Variants in LRRTM4 observed in about 807,000 individuals in gnomAD.
LRRTM4 encodes the protein leucine-rich repeat transmembrane neuronal protein 4.
A neutral mutation model predicts 47.6 loss-of-function variants in LRRTM4; 25 were observed. The ratio of observed to expected loss-of-function variants is 0.53; its 90% CI spans 0.38 to 0.73. The LOEUF is 0.73. Among genes scored for constraint, LRRTM4 ranks in the 30% least tolerant of loss-of-function variants. The pLI, the probability that LRRTM4 is intolerant of heterozygous loss-of-function variation, is 0.00. For missense variants in LRRTM4, 638 were observed against 713.4 expected, an observed-to-expected ratio of 0.89 and a Z score of 1.20; for synonymous variants, 311 against 269.5, an observed-to-expected ratio of 1.15 and a Z score of -1.51.
intron 3 of LRRTM4, among the ~76,000 whole-genome samples, chr2:77,348,073 A>T (rs1671634707): frequency 6.6e-6 from 1 of 151,516 alleles, no homozygotes; most frequent in Non-Finnish European, 1.5e-5. Flanking sequence ...ATGTTTTTTT[A>T]TTTCCAAAGT....
At chr2:77,208,250 A>G (rs1573078770) in intron 3 of LRRTM4, among the ~76,000 whole-genome samples, 1 of 152,178 alleles carries the variant, frequency 6.6e-6, no homozygotes, top group Non-Finnish European at 1.5e-5. Context: ...ATCACGTGTT[A>G]GACATAGGAA....
At chr2:76,850,281 C>T (rs535188300) in intron 3 of LRRTM4, among the ~76,000 whole-genome samples, 2 of 152,132 alleles carry the variant, frequency 1.3e-5, no homozygotes, top group African/African-American at 2.4e-5. Flanking sequence ...CGAGACCTAC[C>T]TAAAGTTCAA....
intron 3 of LRRTM4, among the ~76,000 whole-genome samples, chr2:77,014,212 A>C (rs1677974880): frequency 6.6e-6 from 1 of 152,304 alleles, no homozygotes; most frequent in Admixed American, 6.5e-5. Flanking sequence ...TGAGAAGGCC[A>C]AATTCAAAAG....
chr2:76,898,989 A>T (rs563534019), intron 3 of LRRTM4, among the ~76,000 whole-genome samples: 18 of 152,176 alleles, frequency 1.2e-4, no homozygotes, highest in African/African-American at 4.3e-4. Context: ...CTCTTTGATT[A>T]ATTTACATTC....
intron 3 of LRRTM4, among the ~76,000 whole-genome samples, chr2:77,047,989 T>G (rs1679289480): frequency 6.6e-6 from 1 of 152,082 alleles, no homozygotes. Flanking sequence ...TGTGTTTTTG[T>G]TAAATAAGGT....
intron 3 of LRRTM4, among the ~76,000 whole-genome samples, chr2:77,120,266 C>A (rs1572981423): frequency 6.6e-6 from 1 of 151,864 alleles, no homozygotes; most frequent in East Asian, 1.9e-4. Context: ...ATTCAACCAA[C>A]AGAAAATCTA....
intron 3 of LRRTM4, among the ~76,000 whole-genome samples, chr2:77,286,014 C>T (rs538856630): frequency 6.6e-6 from 1 of 152,180 alleles, no homozygotes; most frequent in Non-Finnish European, 1.5e-5. Flanking sequence ...TAGACATCAA[C>T]CATATATTTT....
At chr2:77,265,391 G>T (rs1676024408) in intron 3 of LRRTM4, among the ~76,000 whole-genome samples, 1 of 151,832 alleles carries the variant, frequency 6.6e-6, no homozygotes, top group Admixed American at 6.6e-5. Flanking sequence ...TAGTATTCTG[G>T]GTGTTAGAGT....
intron 3 of LRRTM4, among the ~76,000 whole-genome samples, chr2:77,338,961 C>T (rs966981238): frequency 6.6e-6 from 1 of 151,880 alleles, no homozygotes; most frequent in Non-Finnish European, 1.5e-5. Flanking sequence ...AACATAGATG[C>T]AGCTGGAAAC....
At chr2:77,295,220 T>C (rs1041030985) in intron 3 of LRRTM4, among the ~76,000 whole-genome samples, 5 of 152,134 alleles carry the variant, frequency 3.3e-5, no homozygotes, top group African/African-American at 7.2e-5. Flanking sequence ...ACTTATTACT[T>C]TAAGAACACA....
At chr2:77,213,129 G>T (rs1018079715) in intron 3 of LRRTM4, among the ~76,000 whole-genome samples, 2 of 152,096 alleles carry the variant, frequency 1.3e-5, no homozygotes, top group Non-Finnish European at 2.9e-5. Flanking sequence ...AATGTTACCA[G>T]GAAACAAAAG....
At chr2:76,997,467 A>G (rs189400136) in intron 3 of LRRTM4, among the ~76,000 whole-genome samples, 78 of 152,236 alleles carry the variant, frequency 5.1e-4, no homozygotes, top group African/African-American at 1.8e-3. Context: ...CTGATGAAAT[A>G]TGAATCTGAA....
intron 3 of LRRTM4, among the ~76,000 whole-genome samples, chr2:76,753,287 T>C (rs1672914116): frequency 6.6e-6 from 1 of 152,152 alleles, no homozygotes. Flanking sequence ...TATTCCCTGA[T>C]ACTGAACAAA....
intron 3 of LRRTM4, among the ~76,000 whole-genome samples, chr2:76,798,374 C>T (rs1453117398): frequency 6.6e-6 from 1 of 151,876 alleles, no homozygotes; most frequent in Non-Finnish European, 1.5e-5. Context: ...GAAATGAAGG[C>T]ACAAATAAGG....
At chr2:77,220,745 T>G (rs1365094902) in intron 3 of LRRTM4, among the ~76,000 whole-genome samples, 1 of 152,200 alleles carries the variant, frequency 6.6e-6, no homozygotes, top group Non-Finnish European at 1.5e-5. Flanking sequence ...TACCTGAAAG[T>G]GATGGGGAGA....
intron 3 of LRRTM4, among the ~76,000 whole-genome samples, chr2:77,285,381 A>C (rs1459963704): frequency 1.7e-5 from 1 of 58,552 alleles, no homozygotes; most frequent in Non-Finnish European, 4.2e-5. Context: ...AGAAATGCTA[A>C]AAATTATAGT....
intron 3 of LRRTM4, among the ~76,000 whole-genome samples, chr2:77,334,599 A>G (rs1012821248): frequency 6.6e-6 from 1 of 152,168 alleles, no homozygotes; most frequent in Non-Finnish European, 1.5e-5. Flanking sequence ...ATTGTGAGGC[A>G]TCCCCAGCCA....
chr2:76,957,321 TAG>T (rs1675707191), intron 3 of LRRTM4, among the ~76,000 whole-genome samples: 1 of 151,678 alleles, frequency 6.6e-6, no homozygotes, highest in South Asian at 2.1e-4. Context: ...GAAAAAGTTT[TAG>T]AGATATGCTC....
intron 3 of LRRTM4, among the ~76,000 whole-genome samples, chr2:77,358,725 C>T (rs1478646370): frequency 1.3e-5 from 2 of 152,126 alleles, no homozygotes; most frequent in East Asian, 1.9e-4. Context: ...ATGAAATTCC[C>T]CATTACCTTA....
Sources: allele counts gnomAD v4.1 joint callset (sites outside exome capture counted in the v4.1 genomes callset), GRCh38; gene constraint gnomAD v4.1.1; transcripts MANE v1.5; gene names NCBI Gene and HGNC (gene_info 2026-07-23, HGNC 2026-07-21).